Variants in CDKAL1 observed in about 807,000 individuals in gnomAD.
CDKAL1 encodes threonylcarbamoyladenosine tRNA methylthiotransferase.
Under a neutral mutation model 68.2 loss-of-function variants are expected in CDKAL1, and 32 were observed. That is an observed-to-expected ratio of 0.47 (90% CI 0.35 to 0.63). The LOEUF (loss-of-function observed/expected upper bound fraction) is 0.63. Ranked by LOEUF, CDKAL1 falls within the 30% of genes least tolerant of loss-of-function variation. The pLI, the probability that CDKAL1 is intolerant of heterozygous loss-of-function variation, is 0.00. For synonymous variants in CDKAL1, 234 were observed against 244.3 expected, an observed-to-expected ratio of 0.96 and a Z score of 0.39; for missense variants, 606 against 696.7, an observed-to-expected ratio of 0.87 and a Z score of 1.47.
chr6:21,056,539 G>A (rs1350319286), intron 11 of CDKAL1, among the ~76,000 whole-genome samples: 1 of 152,018 alleles, frequency 6.6e-6, no homozygotes, highest in African/African-American at 2.4e-5. Context: ...TGATTTTCCT[G>A]GCCAGAACTT....
intron 11 of CDKAL1, among the ~76,000 whole-genome samples, 155 bp from the exon 12 acceptor site, chr6:21,064,893 A>C (rs1201429094): frequency 6.6e-6 from 1 of 152,138 alleles, no homozygotes; most frequent in Non-Finnish European, 1.5e-5. Flanking sequence ...TTCATTTTAA[A>C]CTTTTGGTAT....
chr6:21,189,836 G>A (rs1778162854), intron 13 of CDKAL1, among the ~76,000 whole-genome samples: 1 of 152,158 alleles, frequency 6.6e-6, no homozygotes, highest in Non-Finnish European at 1.5e-5. Flanking sequence ...CCAGAAAATA[G>A]AAGTGAGCAT....
At chr6:20,751,200 G>A (rs1561745180) in intron 6 of CDKAL1, among the ~76,000 whole-genome samples, 1 of 152,112 alleles carries the variant, frequency 6.6e-6, no homozygotes, top group African/African-American at 2.4e-5. Context: ...CGACTGCAGA[G>A]TAGTGTCAGC....
chr6:20,903,205 G>A (rs534017153), intron 9 of CDKAL1, among the ~76,000 whole-genome samples: 5 of 152,086 alleles, frequency 3.3e-5, no homozygotes, highest in African/African-American at 9.6e-5. Flanking sequence ...ACACACAAAC[G>A]CAGACACACA....
At chr6:21,124,674 C>T (rs962522768) in intron 13 of CDKAL1, among the ~76,000 whole-genome samples, 1 of 150,808 alleles carries the variant, frequency 6.6e-6, no homozygotes, top group African/African-American at 2.4e-5. Flanking sequence ...ACAAAGAGAA[C>T]GAGGTCAAAT....
At chr6:21,080,100 C>G (rs1225876233) in intron 12 of CDKAL1, among the ~76,000 whole-genome samples, 2 of 145,846 alleles carry the variant, frequency 1.4e-5, no homozygotes, top group East Asian at 4.1e-4. Context: ...TCTTTGAATC[C>G]TTCTTAAATT....
intron 13 of CDKAL1, among the ~76,000 whole-genome samples, chr6:21,178,430 G>GC (rs1459918404): frequency 6.6e-6 from 1 of 152,084 alleles, no homozygotes; most frequent in Non-Finnish European, 1.5e-5. Flanking sequence ...AATATGATGT[G>GC]CCCTGTGTAA....
chr6:21,028,934 C>T (rs552786676), intron 11 of CDKAL1, among the ~76,000 whole-genome samples: 2 of 152,232 alleles, frequency 1.3e-5, no homozygotes, highest in African/African-American at 4.8e-5. Context: ...CTTCATTGTA[C>T]TTATGCTTTC....
chr6:21,082,978 G>A (rs1199896987), intron 12 of CDKAL1, among the ~76,000 whole-genome samples: 1 of 149,070 alleles, frequency 6.7e-6, no homozygotes, highest in African/African-American at 2.5e-5. Flanking sequence ...GGCTCATACA[G>A]TTCTCCCACC....
At position 21,026,589 on chromosome 6, in the gene CDKAL1, G is replaced by A. The variant is rs150133407; in HGVS notation, c.1055+26217G>A. 3.8e-3 allele frequency among the ~76,000 whole-genome samples: 572 copies of A among 152,088 alleles called. 2 individuals carry two copies. The highest frequency in any genetic ancestry group is 5.9e-3 in the Non-Finnish European group (400 of 68,006). On this transcript the variant is annotated intron_variant, in intron 11 of 15. Coordinates refer to ENST00000274695, the MANE Select transcript of CDKAL1 (RefSeq NM_017774.3). ...GCATTTTTGCTTTTATGATGTTTTCGTGGCTTTATCTGTAATTTAATACTG... is the reference window on the plus strand; with the variant it reads ...GCATTTTTGCTTTTATGATGTTTTCATGGCTTTATCTGTAATTTAATACTG...
chr6:21,141,435 T>C (rs953008071), intron 13 of CDKAL1, among the ~76,000 whole-genome samples: 10 of 152,180 alleles, frequency 6.6e-5, no homozygotes, highest in African/African-American at 2.2e-4. Flanking sequence ...GAATTATGGT[T>C]ATTTACTTTC....
At chr6:20,625,984 G>A (rs929587882) in intron 4 of CDKAL1, among the ~76,000 whole-genome samples, 1 of 152,092 alleles carries the variant, frequency 6.6e-6, no homozygotes, top group East Asian at 1.9e-4. Context: ...TTCTAACTAG[G>A]ATCTATGTTT....
chr6:21,224,539 A>G (rs1779660929), intron 15 of CDKAL1, among the ~76,000 whole-genome samples: 1 of 152,074 alleles, frequency 6.6e-6, no homozygotes, highest in Non-Finnish European at 1.5e-5. Context: ...AATAACAATA[A>G]TAATAATAGT....
chr6:20,829,898 G>A (rs1445678815), intron 8 of CDKAL1, among the ~76,000 whole-genome samples: 2 of 152,104 alleles, frequency 1.3e-5, no homozygotes, highest in Non-Finnish European at 2.9e-5. Context: ...TTTTTGAGAC[G>A]GAGTCTCACT....
intron 13 of CDKAL1, among the ~76,000 whole-genome samples, chr6:21,190,653 C>T (rs1029446282): frequency 1.3e-5 from 2 of 152,148 alleles, no homozygotes; most frequent in Admixed American, 6.5e-5. Context: ...AGGCGTGAGC[C>T]GCTGCGCCCG....
chr6:20,721,749 T>TTG, intron 5 of CDKAL1, among the ~76,000 whole-genome samples: 1 of 144,296 alleles, frequency 6.9e-6, no homozygotes, highest in African/African-American at 2.7e-5. Context: ...TTTTTTTTTT[T>TTG]TGAGACAGAG....
intron 9 of CDKAL1, among the ~76,000 whole-genome samples, chr6:20,938,007 T>G (rs1763801979): frequency 6.6e-6 from 1 of 152,218 alleles, no homozygotes. Flanking sequence ...TGCCAGATGT[T>G]GATTTTCCTA....
Position 20,961,762 on chromosome 6 carries a change from G to A in CDKAL1, c.909+6177G>A, listed in dbSNP as rs146526289. Among the ~76,000 whole-genome samples the A allele has an allele frequency of 4.2e-3, 605 of 145,320 alleles. 6 individuals are homozygous for A. Among genetic ancestry groups the A allele is most frequent in the African/African-American group, 0.014 (550 of 38,948 alleles). On this transcript the variant is annotated intron_variant, in intron 10 of 15. Coordinates refer to ENST00000274695, the MANE Select transcript of CDKAL1 (RefSeq NM_017774.3). ...AGCCTGGGCAAAAGAGCAAGACTCC[G>A]TCTCAAAAAAAAAAAAGAAAAGAAA...
intron 4 of CDKAL1, chr6:20,599,404 A>C (rs1765985719): frequency 2.2e-6 from 1 of 451,878 alleles, no homozygotes; most frequent in Admixed American, 2.4e-5. Context: ...CTTCGTCTTC[A>C]AAGTAGAAAG....
Sources: allele counts gnomAD v4.1 joint callset (sites outside exome capture counted in the v4.1 genomes callset), GRCh38; gene constraint gnomAD v4.1.1; transcripts MANE v1.5; gene names NCBI Gene and HGNC (gene_info 2026-07-23, HGNC 2026-07-21).